Variants in TLK1 observed in about 807,000 individuals in gnomAD.
TLK1 encodes the protein serine/threonine-protein kinase tousled-like 1.
Under a neutral mutation model 105.3 loss-of-function variants are expected in TLK1, and 24 were observed. The observed-to-expected ratio is 0.23, with a 90% CI of 0.17 to 0.32. TLK1 has a LOEUF of 0.32. Ranked by LOEUF, TLK1 falls within the 10% of genes least tolerant of loss-of-function variation. The pLI, the probability that TLK1 is intolerant of heterozygous loss-of-function variation, is 1.00. For synonymous variants in TLK1, 321 were observed against 310.4 expected (o/e 1.03, Z -0.36); for missense variants, 558 against 910.5 (o/e 0.61, Z 4.98).
At chr2:171,037,458 A>G (rs1048926606) in intron 11 of TLK1, among the ~76,000 whole-genome samples, 1 of 146,686 alleles carries the variant, frequency 6.8e-6, no homozygotes, top group African/African-American at 2.5e-5. Context: ...AAAAAAAAAC[A>G]GAGGCATGAT....
At chr2:171,025,922 C>A (rs990052071) in intron 12 of TLK1, among the ~76,000 whole-genome samples, 25 of 152,162 alleles carry the variant, frequency 1.6e-4, no homozygotes, top group Non-Finnish European at 3.5e-4. Flanking sequence ...CTACTGGCCA[C>A]TTTCTTTATA....
rs1683806760 is a variant in TLK1 at position 170,992,011 on chromosome 2, T to A, written c.*1769A>T. 1 of 152,148 alleles carries A rather than the reference T, an allele frequency of 6.6e-6. No individual in the cohort carries two copies. The highest frequency in any genetic ancestry group is 1.5e-5 in the Non-Finnish European group (1 of 68,010). The allele number at this position is 152,148 out of a possible 1,614,324, so 9.4% of individuals were successfully genotyped here. On this transcript the variant is annotated 3_prime_UTR_variant, in exon 21 of 21. Coordinates refer to ENST00000431350, the MANE Select transcript of TLK1 (RefSeq NM_012290.5). ...ACTTACCCAGGAGTTGCCTTGATAA[T>A]GGTTATTAGGTTTAACTTTAACAGC...
chr2:171,186,220 G>A (rs1467884471), intron 1 of TLK1, among the ~76,000 whole-genome samples: 1 of 152,134 alleles, frequency 6.6e-6, no homozygotes, highest in Non-Finnish European at 1.5e-5. Context: ...AATCCTCATC[G>A]AAATGCCTAT....
chr2:171,221,111 C>T (rs941391499), intron 1 of TLK1, among the ~76,000 whole-genome samples: 3 of 152,126 alleles, frequency 2.0e-5, no homozygotes, highest in African/African-American at 4.8e-5. Context: ...TTGAGTGGCA[C>T]ACAGCATTCC....
intron 1 of TLK1, among the ~76,000 whole-genome samples, chr2:171,158,502 G>C (rs1692321178): frequency 6.6e-6 from 1 of 152,148 alleles, no homozygotes; most frequent in Non-Finnish European, 1.5e-5. Flanking sequence ...TCCCAATACT[G>C]ATAACAGATA....
At chr2:171,165,323 T>G (rs1021705534), upstream of TLK1, among the ~76,000 whole-genome samples, 2 of 152,156 alleles carry the variant, frequency 1.3e-5, no homozygotes, top group African/African-American at 2.4e-5. Flanking sequence ...TAATGAATGA[T>G]GACGATCAAT....
At chr2:171,097,976 G>C (rs1345826572) in intron 2 of TLK1, among the ~76,000 whole-genome samples, 2 of 151,958 alleles carry the variant, frequency 1.3e-5, no homozygotes, top group African/African-American at 4.8e-5. Context: ...GAGAGAGGGA[G>C]AGAGAAAGAG....
chr2:171,077,831 G>T (rs914106011), intron 3 of TLK1, among the ~76,000 whole-genome samples: 1 of 152,164 alleles, frequency 6.6e-6, no homozygotes, highest in Non-Finnish European at 1.5e-5. Flanking sequence ...ATGATATCAC[G>T]TTATACAGCT....
chr2:171,022,427 T>TAC (rs369260113), intron 12 of TLK1, among the ~76,000 whole-genome samples: 35 of 147,970 alleles, frequency 2.4e-4, no homozygotes, highest in South Asian at 8.6e-4. Context: ...TTCTTGCACA[T>TAC]ACACACACAC....
rs1692179197 is a variant in TLK1, at chr2:171,155,002, A to G, written c.139+5288T>C. ...TATGAATTGTTATAAGTAATGATAC[A>G]TATTATAGGTATAATTCTAGGAATA... is the stretch of plus-strand genomic sequence containing the variant. On this transcript the variant is annotated intron_variant, in intron 1 of 20. Coordinates refer to ENST00000431350, the MANE Select transcript of TLK1 (RefSeq NM_012290.5). Among the ~76,000 whole-genome samples, 3 of 152,372 alleles carry G rather than the reference A, an allele frequency of 2.0e-5. No homozygotes were observed. The South Asian group carries it at 6.2e-4, about 32-fold the overall frequency.
intron 1 of TLK1, among the ~76,000 whole-genome samples, chr2:171,147,478 A>G (rs528147564): frequency 6.6e-6 from 1 of 152,288 alleles, no homozygotes; most frequent in Admixed American, 6.5e-5. Flanking sequence ...CTGGGCTCAA[A>G]TGATCCTCCT....
chr2:171,155,916 A>C (rs769897367), intron 1 of TLK1: 1 of 152,182 alleles, frequency 6.6e-6, no homozygotes, highest in Non-Finnish European at 1.5e-5. Context: ...TAAAATTAAC[A>C]GGTTTTTAAA....
At chr2:171,090,787 A>G (rs1689193534) in intron 2 of TLK1, among the ~76,000 whole-genome samples, 1 of 152,208 alleles carries the variant, frequency 6.6e-6, no homozygotes, top group African/African-American at 2.4e-5. Context: ...ACTCCACTTT[A>G]TAAGGCTTTT....
chr2:171,095,378 C>T (rs1314779753), intron 2 of TLK1, among the ~76,000 whole-genome samples: 1 of 151,862 alleles, frequency 6.6e-6, no homozygotes, highest in East Asian at 1.9e-4. Flanking sequence ...TTAGCAAGTC[C>T]TACCAAGACC....
chr2:170,999,374 G>C (rs950815660), intron 18 of TLK1, among the ~76,000 whole-genome samples: 1 of 152,136 alleles, frequency 6.6e-6, no homozygotes, highest in Non-Finnish European at 1.5e-5. Flanking sequence ...GCAGTAAAAA[G>C]CTGGATTTAT....
chr2:170,994,040 C>T, intron 20 of TLK1, 84 bp from the exon 21 acceptor site: 1 of 1,399,454 alleles, frequency 7.1e-7, no homozygotes. Flanking sequence ...GAAGGATGGA[C>T]ACATTTAAGA....
chr2:171,150,778 C>A (rs914409938), intron 1 of TLK1, among the ~76,000 whole-genome samples: 2 of 152,196 alleles, frequency 1.3e-5, no homozygotes, highest in African/African-American at 4.8e-5. Context: ...ATTCCATCAC[C>A]CTCCACATAC....
At chr2:170,999,307 C>A (rs1317050203) in intron 18 of TLK1, among the ~76,000 whole-genome samples, 1 of 152,146 alleles carries the variant, frequency 6.6e-6, no homozygotes, top group Admixed American at 6.5e-5. Context: ...TCTTAAAATA[C>A]ACATGAAACT....
chr2:171,225,884 T>G (rs1418990364), intron 1 of TLK1, among the ~76,000 whole-genome samples: 1 of 152,218 alleles, frequency 6.6e-6, no homozygotes, highest in Admixed American at 6.5e-5. Context: ...TGAATGGAAT[T>G]TAGAAACCAA....
Sources: gnomAD v4.1 joint callset for allele counts (sites outside exome capture counted in the v4.1 genomes callset) on GRCh38, gnomAD v4.1.1 for gene constraint, MANE v1.5 for transcripts, NCBI Gene and HGNC (gene_info 2026-07-23, HGNC 2026-07-21) for gene names.